AFM: variants seen among roughly 807,000 people sequenced by gnomAD.
The protein encoded by AFM is afamin, also known as alpha-Alb.
AFM carries 82 observed loss-of-function variants against 68.7 expected under a neutral mutation model. The observed-to-expected ratio is 1.19, with a 90% confidence interval of 1.00 to 1.43. The LOEUF is 1.43. Among genes scored for constraint, AFM ranks in the 40% most tolerant of loss-of-function variants. The pLI, the probability that AFM is intolerant of heterozygous loss-of-function variation, is 0.00. For missense variants in AFM, 772 were observed against 701.8 expected (o/e 1.10, Z -1.13); for synonymous variants, 250 against 234.2 (o/e 1.07, Z -0.61).
At chr4:73,500,472 A>T (rs1220725314) in intron 12 of AFM, among the ~76,000 whole-genome samples, 1 of 151,888 alleles carries the variant, frequency 6.6e-6, no homozygotes, top group African/African-American at 2.4e-5. Flanking sequence ...ACCTTTAGAA[A>T]GTTTACAGCA....
intron 8 of AFM, among the ~76,000 whole-genome samples, chr4:73,492,819 ATTAAT>A (rs1721115312): frequency 6.7e-6 from 1 of 148,600 alleles, no homozygotes; most frequent in African/African-American, 2.5e-5. Flanking sequence ...AAGAATATTT[ATTAAT>A]TTAAAGTTTA....
chr4:73,482,209 TG>T (rs1560406951), intron 1 of AFM, among the ~76,000 whole-genome samples: 1 of 152,258 alleles, frequency 6.6e-6, no homozygotes, highest in Non-Finnish European at 1.5e-5. Flanking sequence ...AGATGTTAAC[TG>T]GGATTTTTCT....
chr4:73,484,511 TTTCTTTC>T (rs1449591024), intron 3 of AFM, 121 bp downstream of exon 3: 8 of 727,928 alleles, frequency 1.1e-5, no homozygotes, highest in Non-Finnish European at 1.4e-5. Context: ...TCTTTCATTC[TTTCTTTC>T]TTCTTTCTTT....
intron 8 of AFM, among the ~76,000 whole-genome samples, chr4:73,492,464 A>T (rs1721098966): frequency 1.3e-5 from 2 of 152,194 alleles, no homozygotes; most frequent in South Asian, 4.1e-4. Context: ...AAAGTGACAG[A>T]GTAAGAATTT....
At position 73,501,868 on chromosome 4, in the gene AFM, A is replaced by G. The variant is rs190901371; in HGVS notation, c.1728A>G (p.Val576=). 5.0e-6 allele frequency: 8 copies of G among 1,613,594 alleles called. No individual in the cohort carries two copies. In the East Asian group the frequency reaches 6.7e-5, roughly 13 times the overall value. The part of the protein sequence containing the change: ...LQSLFTNFAN[V]VDKCCKAESP... ...CTTTGTTTACAAATTTCGCAAATGT[A>G]GTGGATAAGTGCTGCAAAGCAGAGA... The change falls in exon 13 of 15, where the codon GTA becomes GTG. Residue 576 remains valine, a synonymous_variant. Transcript: ENST00000226355.
rs769644982 is a variant in AFM, at chr4:73,501,887, G to T, written c.1747G>T (p.Ala583Ser). The T allele has an allele frequency of 7.4e-6, 12 of 1,613,390 alleles. No homozygotes were observed. The highest frequency in any genetic ancestry group is 1.6e-4 in the Middle Eastern group (1 of 6,070). Residue 583 changes from alanine to serine, a missense_variant, in exon 13 of 15, where the codon GCA (alanine) becomes TCA (serine). Ala to Ser is a moderately conservative substitution (Grantham distance 99). Coordinates refer to ENST00000226355, the MANE Select transcript of AFM (RefSeq NM_001133.2). Reference protein sequence around the residue: ...FANVVDKCCKAESPEVCFNEE... With the variant: ...FANVVDKCCKSESPEVCFNEE... The stretch of plus-strand genomic sequence containing the variant: ...AAATGTAGTGGATAAGTGCTGCAAA[G>T]CAGAGAGTCCTGAAGTCTGCTTTAA...
At chr4:73,497,872 AT>A (rs887183682) in intron 10 of AFM, 123 bp downstream of exon 10, 563 of 511,202 alleles carry the variant, frequency 1.1e-3, no homozygotes, top group South Asian at 2.2e-3. Context: ...TCTTGGAAGA[AT>A]TTTTTTTTAA....
rs143919745 is a variant in AFM, at chr4:73,488,737, T to A, written c.821T>A (p.Val274Asp). The change falls in exon 7 of 15, where the codon GTT becomes GAT. Residue 274 changes from valine to aspartate, a missense_variant. By Grantham distance (152) the Val-to-Asp change is radical (BLOSUM62 -3). Coordinates refer to ENST00000226355, the MANE Select transcript of AFM (RefSeq NM_001133.2). Reference protein sequence around the residue: ...SNYDGCCEGDVVQCIRDTSKV... With the variant: ...SNYDGCCEGDDVQCIRDTSKV... ...TATGATGGATGCTGTGAAGGGGATGTTGTGCAGTGCATCCGTGACACGGTG... is the reference window on the plus strand; with the variant it reads ...TATGATGGATGCTGTGAAGGGGATGATGTGCAGTGCATCCGTGACACGGTG... 3.1e-6 allele frequency: 5 copies of A among 1,612,764 alleles called. No homozygotes were observed. The East Asian group carries it at 1.1e-4, about 36-fold the overall frequency.
intron 13 of AFM, among the ~76,000 whole-genome samples, chr4:73,502,176 CA>C (rs1472304645): frequency 6.6e-6 from 1 of 152,076 alleles, no homozygotes; most frequent in Non-Finnish European, 1.5e-5. Context: ...AACTGAATGG[CA>C]ATTAACTATC....
intron 7 of AFM, among the ~76,000 whole-genome samples, chr4:73,489,073 C>G (rs1000929651): frequency 6.6e-6 from 1 of 152,048 alleles, no homozygotes; most frequent in Non-Finnish European, 1.5e-5. Context: ...CATTATAAAT[C>G]CTCTTTTAGA....
intron 8 of AFM, 59 bp downstream of exon 8, chr4:73,492,145 C>A: frequency 6.8e-7 from 1 of 1,471,636 alleles, no homozygotes; most frequent in Non-Finnish European, 9.3e-7. Flanking sequence ...TAAGATTTGA[C>A]TTTTGTTGCT....
Position 73,495,407 on chromosome 4 carries a change from A to G in AFM, c.1166A>G (p.Asn389Ser), listed in dbSNP as rs1722609878. 7.4e-6 allele frequency: 12 copies of G among 1,611,990 alleles called. No individual in the cohort carries two copies. The highest frequency in any genetic ancestry group is 8.5e-6 in the Non-Finnish European group (10 of 1,179,432). Residue 389 changes from asparagine (N) to serine (S), a missense_variant, in exon 9 of 15, where the codon AAC becomes AGC. Transcript: ENST00000226355. ...DLLRNCCNTE[N>S]PPGCYRYAED... ...CTGAGAAATTGCTGCAACACAGAAA[A>G]CCCTCCAGGTTGTTACCGTTACGCG...
chr4:73,491,981 A>G lies in AFM; in HGVS notation c.953A>G (p.Asn318Ser). Residue 318 changes from asparagine (N) to serine (S), a missense_variant, in exon 8 of 15, where the codon AAC (asparagine) becomes AGC (serine). Asn to Ser is a conservative substitution (Grantham distance 46). Coordinates refer to ENST00000226355, the MANE Select transcript of AFM (RefSeq NM_001133.2). ...CGCGGCCAGTGCATAATTAACTCAA[A>G]CAAAGATGATAGACCAAAGGATTTA... ...PERGQCIINS[N>S]KDDRPKDLSL... The G allele has an allele frequency of 6.2e-7, 1 of 1,613,994 alleles. No homozygotes were observed. The highest frequency in any genetic ancestry group is 2.2e-5 in the East Asian group (1 of 44,862).
Position 73,481,775 on chromosome 4 carries a change from G to C in AFM, c.-1G>C. 1.3e-6 allele frequency: 2 copies of C among 1,567,220 alleles called. No individual in the cohort carries two copies. The highest frequency in any genetic ancestry group is 1.7e-6 in the Non-Finnish European group (2 of 1,147,996). On this transcript the variant is annotated 5_prime_UTR_variant, in exon 1 of 15. Transcript: ENST00000226355. ...CTTTTGTAAATGTGGTTTCTACAAA[G>C]ATGAAACTACTAAAACTTACAGGTT...
intron 4 of AFM, 128 bp from the exon 5 acceptor site, chr4:73,486,839 T>C (rs1720913664): frequency 2.1e-6 from 2 of 947,088 alleles, no homozygotes; most frequent in South Asian, 1.8e-5. Context: ...TCTTCTTGTC[T>C]CTTTCTATTT....
intron 1 of AFM, among the ~76,000 whole-genome samples, chr4:73,483,706 A>G (rs1189378310): frequency 6.6e-6 from 1 of 152,240 alleles, no homozygotes. Flanking sequence ...TCAGATTAAG[A>G]TTTATTTAGG....
At position 73,484,157 on chromosome 4, in the gene AFM, A is replaced by T. The variant is rs1428080247; in HGVS notation, c.138-101A>T. On this transcript the variant is annotated intron_variant, in intron 2 of 14. Transcript: ENST00000226355. Reference sequence around the variant, plus strand: ...GTAAAATTTATAGCCATTACAATAGATAATTTCCTGAGGCTAGTCAGGATG... The same window carrying T: ...GTAAAATTTATAGCCATTACAATAGTTAATTTCCTGAGGCTAGTCAGGATG... 6 of 1,467,934 alleles carry T rather than the reference A, an allele frequency of 4.1e-6. No individual in the cohort carries two copies. In the East Asian group the frequency reaches 1.2e-4, roughly 29 times the overall value. 90.9% of individuals were successfully genotyped at this position (1,467,934 alleles called of 1,614,324 possible). A position where few individuals can be genotyped will look rare whatever the true frequency, so the allele number is the denominator to read the frequency against.
chr4:73,494,311 G>A (rs1267696656), intron 8 of AFM, among the ~76,000 whole-genome samples: 2 of 152,086 alleles, frequency 1.3e-5, no homozygotes, highest in South Asian at 4.1e-4. Context: ...GATGAAAAGA[G>A]TTACCTGGTC....
intron 9 of AFM, 70 bp downstream of exon 9, chr4:73,495,502 A>G: frequency 1.3e-6 from 2 of 1,570,266 alleles, no homozygotes; most frequent in South Asian, 1.2e-5. Context: ...AATTGATATC[A>G]GAGTTTTGCT....
Sources: gnomAD v4.1 joint callset for allele counts (sites outside exome capture counted in the v4.1 genomes callset) on GRCh38, gnomAD v4.1.1 for gene constraint, MANE v1.5 for transcripts, NCBI Gene and HGNC (gene_info 2026-07-23, HGNC 2026-07-21) for gene names.